CACNG2: variants seen among roughly 807,000 people sequenced by gnomAD.
The protein encoded by CACNG2 is calcium voltage-gated channel auxiliary subunit gamma 2.
Under a neutral mutation model 25.9 loss-of-function variants are expected in CACNG2, and 3 were observed. That is an observed-to-expected ratio of 0.12 (90% CI 0.05 to 0.30). CACNG2 has a LOEUF of 0.30. CACNG2 is among the 10% of genes least tolerant of loss of function. The pLI, the probability that CACNG2 is intolerant of heterozygous loss-of-function variation, is 1.00. For missense variants in CACNG2, 341 were observed against 432.5 expected (o/e 0.79, Z 1.88); for synonymous variants, 167 against 173.3 (o/e 0.96, Z 0.29).
At position 36,606,246 on chromosome 22, in the gene CACNG2, G is replaced by C. The variant is rs1022096641; in HGVS notation, c.212-18698C>G. ...CCCTAGACAAATAATTAATGCAGACGACCCAGAATGAAACCACAAGGGCAG... is the reference window on the plus strand; with the variant it reads ...CCCTAGACAAATAATTAATGCAGACCACCCAGAATGAAACCACAAGGGCAG... On this transcript the variant is annotated intron_variant, in intron 1 of 3. Transcript: ENST00000300105. The surrounding 1 kb of genome is among the most constrained non-coding windows in gnomAD (Gnocchi z 5.7). Among the ~76,000 whole-genome samples, 2 of 152,200 alleles carry C rather than the reference G, an allele frequency of 1.3e-5. No homozygotes were observed. The highest frequency in any genetic ancestry group is 4.8e-5 in the African/African-American group (2 of 41,456).
At chr22:36,684,615 C>CAAAAAAAA (rs10647451) in intron 1 of CACNG2, among the ~76,000 whole-genome samples, 11 of 101,288 alleles carry the variant, frequency 1.1e-4, no homozygotes, top group South Asian at 6.7e-4. Context: ...GACCTTGTCT[C>CAAAAAAAA]AAAAAAAAAA....
intron 2 of CACNG2, among the ~76,000 whole-genome samples, chr22:36,587,018 T>C (rs1002003687): frequency 6.6e-6 from 1 of 152,012 alleles, no homozygotes; most frequent in Admixed American, 6.6e-5. Flanking sequence ...CTTCATCCAA[T>C]TATTCAAGAA....
intron 1 of CACNG2, among the ~76,000 whole-genome samples, chr22:36,613,154 C>CTGTGTGTGTGTG (rs199852721): frequency 2.7e-5 from 2 of 74,002 alleles, no homozygotes; most frequent in African/African-American, 6.3e-5. Flanking sequence ...ATTACAGGCT[C>CTGTGTGTGTGTG]TCTGTGTGTG....
At chr22:36,681,168 T>A (rs1368153486) in intron 1 of CACNG2, among the ~76,000 whole-genome samples, 1 of 152,218 alleles carries the variant, frequency 6.6e-6, no homozygotes, top group East Asian at 1.9e-4. Context: ...TGGTTGTATT[T>A]CCATGGCTCT....
At chr22:36,594,930 A>C (rs1312431749) in intron 1 of CACNG2, among the ~76,000 whole-genome samples, 3 of 139,996 alleles carry the variant, frequency 2.1e-5, no homozygotes, top group Non-Finnish European at 4.6e-5. Flanking sequence ...CTGTGTGTGC[A>C]TGTGTGTTTG....
At position 36,564,500 on chromosome 22, in the gene CACNG2, T is replaced by C. The variant is rs1935091462; in HGVS notation, c.823A>G (p.Arg275Gly). 1 of 1,614,026 alleles carries C rather than the reference T, an allele frequency of 6.2e-7. No homozygotes were observed. The highest frequency in any genetic ancestry group is 1.1e-5 in the South Asian group (1 of 91,082). The change falls in exon 4 of 4, where the codon AGG (arginine) becomes GGG (glycine). Residue 275 changes from arginine (R) to glycine (G), a missense_variant. Physicochemically the swap from Arg to Gly is moderately radical, Grantham distance 125. Coordinates refer to ENST00000300105, the MANE Select transcript of CACNG2 (RefSeq NM_006078.5). The surrounding 1 kb of genome is among the most constrained non-coding windows in gnomAD (Gnocchi z 6.7). ...STEISMYTLS[R>G]DPLKAATTPT... is the part of the protein sequence containing the mutation. ...GTGGTGGCGGCCTTCAGGGGGTCCCTGCTGAGCGTGTACATGGAGATCTCC... is the reference window on the plus strand; with the variant it reads ...GTGGTGGCGGCCTTCAGGGGGTCCCCGCTGAGCGTGTACATGGAGATCTCC...
At chr22:36,693,591 A>G (rs375456541) in intron 1 of CACNG2, among the ~76,000 whole-genome samples, 178 of 152,202 alleles carry the variant, frequency 1.2e-3, no homozygotes, top group Non-Finnish European at 1.9e-3. Flanking sequence ...TCATGCTGAA[A>G]CACAAATGTC....
chr22:36,677,356 T>C (rs758755924), intron 1 of CACNG2, among the ~76,000 whole-genome samples: 1 of 152,180 alleles, frequency 6.6e-6, no homozygotes, highest in Non-Finnish European at 1.5e-5. Context: ...AGCATTGGTG[T>C]GTGTCCATCT....
intron 2 of CACNG2, among the ~76,000 whole-genome samples, chr22:36,571,173 C>A (rs1411435273): frequency 6.6e-6 from 1 of 152,104 alleles, no homozygotes; most frequent in African/African-American, 2.4e-5. Context: ...GAAAGGCAGC[C>A]CTGCCAGGCA....
intron 1 of CACNG2, among the ~76,000 whole-genome samples, chr22:36,667,970 C>G (rs1034646992): frequency 6.6e-6 from 1 of 152,214 alleles, no homozygotes; most frequent in Non-Finnish European, 1.5e-5. Context: ...AGCAAGCACA[C>G]CCTGCTCTTG....
chr22:36,674,551 A>G (rs1219642417), intron 1 of CACNG2, among the ~76,000 whole-genome samples: 1 of 151,964 alleles, frequency 6.6e-6, no homozygotes, highest in Non-Finnish European at 1.5e-5. Context: ...CTGGTCTCGA[A>G]CTCCTGAGCT....
chr22:36,575,306 C>T (rs947644738), intron 2 of CACNG2, among the ~76,000 whole-genome samples: 1 of 152,130 alleles, frequency 6.6e-6, no homozygotes, highest in African/African-American at 2.4e-5. Context: ...GAACGGGTGG[C>T]CTGAGCTATC....
chr22:36,651,477 C>T (rs892327282), intron 1 of CACNG2, among the ~76,000 whole-genome samples: 1 of 152,068 alleles, frequency 6.6e-6, no homozygotes, highest in Non-Finnish European at 1.5e-5. Flanking sequence ...GATCTGCCTG[C>T]CTTGGCCTCC....
Position 36,564,343 on chromosome 22 carries a change from C to G in CACNG2, c.*8G>C, listed in dbSNP as rs1373505625. 2 of 1,611,074 alleles carry G rather than the reference C, an allele frequency of 1.2e-6. No individual in the cohort carries two copies. Among genetic ancestry groups the G allele is most frequent in the South Asian group, 1.1e-5 (1 of 90,654 alleles). On this transcript the variant is annotated 3_prime_UTR_variant, in exon 4 of 4. Transcript: ENST00000300105. The surrounding 1 kb of genome is among the most constrained non-coding windows in gnomAD (Gnocchi z 6.7). ...CCTCCCGCGGTCTTCTGGCGAGGCC[C>G]GCGGTCTTTATACGGGGGTGGTCCG...
intron 2 of CACNG2, among the ~76,000 whole-genome samples, chr22:36,586,297 C>A (rs1225522208): frequency 2.0e-5 from 3 of 152,226 alleles, no homozygotes; most frequent in African/African-American, 7.2e-5. Flanking sequence ...CAGACACAGT[C>A]GCAGGTAACA....
intron 2 of CACNG2, among the ~76,000 whole-genome samples, chr22:36,572,523 G>A (rs1351888176): frequency 1.3e-5 from 2 of 152,098 alleles, no homozygotes; most frequent in South Asian, 2.1e-4. Flanking sequence ...CCAATATGGC[G>A]AAACCCCATC....
At chr22:36,607,505 A>C (rs891758088) in intron 1 of CACNG2, among the ~76,000 whole-genome samples, 3 of 152,170 alleles carry the variant, frequency 2.0e-5, no homozygotes, top group African/African-American at 4.8e-5. Flanking sequence ...CAGCCTCCCG[A>C]AGTGCTGGGA....
chr22:36,637,714 G>A (rs999790688), intron 1 of CACNG2, among the ~76,000 whole-genome samples: 13 of 152,116 alleles, frequency 8.5e-5, no homozygotes, highest in Non-Finnish European at 1.0e-4. Flanking sequence ...GATAGGTGAC[G>A]GATTAGAATC....
At chr22:36,631,668 C>G (rs1326302619) in intron 1 of CACNG2, among the ~76,000 whole-genome samples, 1 of 152,072 alleles carries the variant, frequency 6.6e-6, no homozygotes, top group Non-Finnish European at 1.5e-5. Flanking sequence ...TGTCCTGTCT[C>G]ACTCTCAGCC....
Sources: allele counts gnomAD v4.1 joint callset (sites outside exome capture counted in the v4.1 genomes callset), GRCh38; gene constraint gnomAD v4.1.1; non-coding constraint Gnocchi (gnomAD v3.1); transcripts MANE v1.5; gene names NCBI Gene and HGNC (gene_info 2026-07-23, HGNC 2026-07-21).